SHISA9: variants seen among roughly 807,000 people sequenced by gnomAD.
The protein encoded by SHISA9 is protein shisa-9.
Under a neutral mutation model 38.0 loss-of-function variants are expected in SHISA9, and 13 were observed. The ratio of observed to expected loss-of-function variants is 0.34; its 90% CI spans 0.22 to 0.54. SHISA9 has a LOEUF of 0.54. Among genes scored for constraint, SHISA9 ranks in the 20% least tolerant of loss-of-function variants. The pLI is 0.91. For synonymous variants in SHISA9, 275 were observed against 242.0 expected (o/e 1.14, Z -1.27); for missense variants, 538 against 575.8 (o/e 0.93, Z 0.67).
the SHISA9 span, among the ~76,000 whole-genome samples, chr16:13,383,194 C>T: frequency 2.0e-5 from 3 of 152,108 alleles, no homozygotes; most frequent in African/African-American, 7.2e-5. Context: ...AGCTATTTTA[C>T]GAGAGTGGTT....
intron 2 of SHISA9, among the ~76,000 whole-genome samples, chr16:13,048,632 G>C (rs1006494555): frequency 6.6e-6 from 1 of 152,206 alleles, no homozygotes; most frequent in Non-Finnish European, 1.5e-5. Context: ...ATGTTGGCCA[G>C]GCTGGTCTCA....
rs149248065 is a variant in SHISA9 at position 13,177,568 on chromosome 16, A to G, written c.692-25826A>G. On this transcript the variant is annotated intron_variant, in intron 2 of 4. Transcript: ENST00000558583. Reference sequence around the variant, plus strand: ...TTTTAAAAAGCGCAATTGAAAGCATATATCTACTCATACGATTTTCCCTAA... The same window carrying G: ...TTTTAAAAAGCGCAATTGAAAGCATGTATCTACTCATACGATTTTCCCTAA... Among the ~76,000 whole-genome samples the G allele has an allele frequency of 7.9e-5, 12 of 152,272 alleles. No homozygotes were observed. The East Asian group carries it at 1.9e-3, about 24-fold the overall frequency.
chr16:13,046,926 T>C (rs893969567), intron 2 of SHISA9, among the ~76,000 whole-genome samples: 1 of 152,146 alleles, frequency 6.6e-6, no homozygotes, highest in Non-Finnish European at 1.5e-5. Context: ...GCAGATTATT[T>C]ACCCCTCATG....
the SHISA9 span, among the ~76,000 whole-genome samples, chr16:13,266,585 G>A: frequency 6.6e-6 from 1 of 152,086 alleles, no homozygotes; most frequent in African/African-American, 2.4e-5. Context: ...AATTGCTCAG[G>A]GAGGCTCAGG....
At chr16:13,215,153 G>C (rs1596738924) in intron 4 of SHISA9, among the ~76,000 whole-genome samples, 1 of 152,026 alleles carries the variant, frequency 6.6e-6, no homozygotes, top group Non-Finnish European at 1.5e-5. Context: ...AGTGAGGAGG[G>C]GGAGGGATCA....
chr16:12,943,179 G>T (rs1444477090), intron 2 of SHISA9, among the ~76,000 whole-genome samples: 2 of 151,932 alleles, frequency 1.3e-5, no homozygotes, highest in Non-Finnish European at 2.9e-5. Flanking sequence ...TGCTCTGATT[G>T]GTTGGTCAGG....
intron 2 of SHISA9, among the ~76,000 whole-genome samples, chr16:13,123,270 G>A (rs946421229): frequency 1.8e-4 from 27 of 152,202 alleles, no homozygotes; most frequent in Admixed American, 1.1e-3. Flanking sequence ...CTTGGGAAGC[G>A]GGGCAGGCAG....
At chr16:13,464,819 G>A in the SHISA9 span, among the ~76,000 whole-genome samples, 1 of 150,864 alleles carries the variant, frequency 6.6e-6, no homozygotes, top group Non-Finnish European at 1.5e-5. Flanking sequence ...CTATTTCTAT[G>A]CCCACCCCCA....
chr16:13,217,489 T>A (rs2051181663), intron 4 of SHISA9, among the ~76,000 whole-genome samples: 1 of 152,218 alleles, frequency 6.6e-6, no homozygotes, highest in South Asian at 2.1e-4. Context: ...GTAATCTCTC[T>A]GCTTCTGACT....
At chr16:13,267,178 T>C in the SHISA9 span, among the ~76,000 whole-genome samples, 2 of 152,108 alleles carry the variant, frequency 1.3e-5, no homozygotes, top group African/African-American at 4.8e-5. Context: ...ACTTGCTAAT[T>C]TTAACATCAA....
chr16:13,559,383 ATT>A, the SHISA9 span, among the ~76,000 whole-genome samples: 2 of 141,692 alleles, frequency 1.4e-5, no homozygotes, highest in African/African-American at 2.6e-5. Flanking sequence ...TGCATTTTCT[ATT>A]TTTTTTTTTT....
chr16:13,285,190 C>G, the SHISA9 span, among the ~76,000 whole-genome samples: 1 of 152,094 alleles, frequency 6.6e-6, no homozygotes, highest in African/African-American at 2.4e-5. Flanking sequence ...GCAGCCTGCT[C>G]TTTCTTATTG....
At chr16:13,018,692 C>T (rs55670016) in intron 2 of SHISA9, among the ~76,000 whole-genome samples, 2,609 of 152,294 alleles carry the variant, frequency 0.017, 37 homozygotes, top group Middle Eastern at 0.065. Context: ...TGCTCAAAAT[C>T]CTTTATTGAT....
the SHISA9 span, among the ~76,000 whole-genome samples, chr16:13,473,216 T>A: frequency 6.6e-6 from 1 of 152,216 alleles, no homozygotes; most frequent in Non-Finnish European, 1.5e-5. Flanking sequence ...GTGCTCAGTC[T>A]TGGGCTGATT....
the SHISA9 span, among the ~76,000 whole-genome samples, chr16:13,450,074 A>C: frequency 6.6e-6 from 1 of 152,026 alleles, no homozygotes; most frequent in Non-Finnish European, 1.5e-5. Context: ...CCAAGATCGC[A>C]CCCCTGCACT....
intron 3 of SHISA9, among the ~76,000 whole-genome samples, chr16:13,207,759 T>C (rs554820332): frequency 6.6e-6 from 1 of 152,308 alleles, no homozygotes; most frequent in South Asian, 2.1e-4. Context: ...GCAAATCCCA[T>C]AATAAATGTT....
At chr16:13,331,103 A>C in the SHISA9 span, among the ~76,000 whole-genome samples, 1 of 152,188 alleles carries the variant, frequency 6.6e-6, no homozygotes, top group East Asian at 1.9e-4. Context: ...ATATTGAGTA[A>C]GGAGGTGGAT....
At chr16:13,215,949 G>A (rs929591958) in intron 4 of SHISA9, among the ~76,000 whole-genome samples, 21 of 152,158 alleles carry the variant, frequency 1.4e-4, no homozygotes, top group African/African-American at 2.9e-4. Context: ...CACTTTGGGA[G>A]GCTGAGGTGG....
intron 2 of SHISA9, among the ~76,000 whole-genome samples, chr16:13,188,870 T>C (rs938304130): frequency 2.6e-5 from 4 of 152,166 alleles, no homozygotes; most frequent in Non-Finnish European, 5.9e-5. Context: ...GTGACTTAAC[T>C]GCAGATGCAA....
Sources: gnomAD v4.1 joint callset for allele counts (sites outside exome capture counted in the v4.1 genomes callset) on GRCh38, gnomAD v4.1.1 for gene constraint, MANE v1.5 for transcripts, NCBI Gene and HGNC (gene_info 2026-07-23, HGNC 2026-07-21) for gene names.